ALCAM: variants seen among roughly 807,000 people sequenced by gnomAD.
ALCAM encodes the protein CD166 antigen.
In ALCAM, 30 loss-of-function variants were observed where a neutral mutation model predicts 70.9. That is an observed-to-expected ratio of 0.42 (90% CI 0.32 to 0.57). The LOEUF (loss-of-function observed/expected upper bound fraction) is 0.57. Among genes scored for constraint, ALCAM ranks in the 20% least tolerant of loss-of-function variants. The pLI, the probability that ALCAM is intolerant of heterozygous loss-of-function variation, is 0.11. For synonymous variants in ALCAM, 249 were observed against 242.5 expected, an observed-to-expected ratio of 1.03 and a Z score of -0.25; for missense variants, 591 against 695.1, an observed-to-expected ratio of 0.85 and a Z score of 1.68.
chr3:105,481,655 A>G (rs910779586), intron 1 of ALCAM, among the ~76,000 whole-genome samples: 1 of 152,224 alleles, frequency 6.6e-6, no homozygotes, highest in Non-Finnish European at 1.5e-5. Flanking sequence ...CCTTACAAAA[A>G]GGAACCAAAC....
chr3:105,471,260 C>T (rs530541301), intron 1 of ALCAM, among the ~76,000 whole-genome samples: 22 of 150,614 alleles, frequency 1.5e-4, no homozygotes, highest in South Asian at 6.3e-4. Context: ...TTTTGGAAGC[C>T]GGAATTTAAA....
chr3:105,526,881 G>A lies in ALCAM; in HGVS notation c.394+2373G>A, dbSNP rs575848686. ...TCCCTCTGTTGAATCACTTAGCAAC[G>A]TGCACCGTGTACCATAGAATCAAGT... On this transcript the variant is annotated intron_variant, in intron 3 of 15. Coordinates refer to ENST00000306107, the MANE Select transcript of ALCAM (RefSeq NM_001627.4). Among the ~76,000 whole-genome samples the A allele has an allele frequency of 1.1e-4, 17 of 152,206 alleles. No individual in the cohort carries two copies. In the East Asian group the frequency reaches 1.2e-3, roughly 10 times the overall value.
chr3:105,467,806 G>T (rs1042984520), intron 1 of ALCAM, among the ~76,000 whole-genome samples: 2 of 151,020 alleles, frequency 1.3e-5, no homozygotes, highest in Non-Finnish European at 1.5e-5. Flanking sequence ...TTAAAATGAG[G>T]TATCTCATTT....
intron 1 of ALCAM, among the ~76,000 whole-genome samples, chr3:105,370,797 G>A (rs1935206850): frequency 6.6e-6 from 1 of 151,630 alleles, no homozygotes; most frequent in African/African-American, 2.4e-5. Context: ...CCAAAAGTAA[G>A]AAAGGATAGT....
intron 12 of ALCAM, among the ~76,000 whole-genome samples, chr3:105,551,001 G>A (rs1940388386): frequency 6.6e-6 from 1 of 151,540 alleles, no homozygotes; most frequent in Non-Finnish European, 1.5e-5. Context: ...GACTGGCCTA[G>A]AATGAGGCTC....
chr3:105,371,279 T>G (rs1464712034), intron 1 of ALCAM, among the ~76,000 whole-genome samples: 1 of 152,188 alleles, frequency 6.6e-6, no homozygotes, highest in Non-Finnish European at 1.5e-5. Flanking sequence ...TGTTGTGACC[T>G]TGGGAAAATT....
At chr3:105,410,738 T>C (rs764243104) in intron 1 of ALCAM, among the ~76,000 whole-genome samples, 1 of 152,072 alleles carries the variant, frequency 6.6e-6, no homozygotes, top group Non-Finnish European at 1.5e-5. Context: ...TGACCCATTC[T>C]TAAATTGCTT....
In ALCAM at chr3:105,575,591, A is replaced by G. The variant is rs920656657; in HGVS notation, c.*1140A>G. ...AAGTGTAATAATAAAATGTCTATGTATCTTTAGTTACATTCAAATTTGTAA... is the reference window on the plus strand; with the variant it reads ...AAGTGTAATAATAAAATGTCTATGTGTCTTTAGTTACATTCAAATTTGTAA... On this transcript the variant is annotated 3_prime_UTR_variant, in exon 16 of 16. Coordinates refer to ENST00000306107, the MANE Select transcript of ALCAM (RefSeq NM_001627.4). 2 of 152,578 alleles carry G rather than the reference A, an allele frequency of 1.3e-5. No homozygotes were observed. The highest frequency in any genetic ancestry group is 4.8e-5 in the African/African-American group (2 of 41,448). 9.5% of individuals were successfully genotyped at this position (152,578 alleles called of 1,614,324 possible).
At chr3:105,395,311 G>C (rs1012697803) in intron 1 of ALCAM, among the ~76,000 whole-genome samples, 1 of 151,958 alleles carries the variant, frequency 6.6e-6, no homozygotes, top group African/African-American at 2.4e-5. Flanking sequence ...GTTTCATACA[G>C]TGTCACTGTA....
intron 14 of ALCAM, among the ~76,000 whole-genome samples, chr3:105,553,972 C>T (rs1218571783): frequency 6.6e-6 from 1 of 151,818 alleles, no homozygotes; most frequent in Admixed American, 6.6e-5. Flanking sequence ...CACACGATGT[C>T]CACTCTCACA....
At chr3:105,522,749 C>T (rs561258657) in intron 2 of ALCAM, among the ~76,000 whole-genome samples, 91 of 152,322 alleles carry the variant, frequency 6.0e-4, no homozygotes, top group African/African-American at 2.1e-3. Flanking sequence ...AGTTACTTAA[C>T]CAAACTCAAC....
At chr3:105,431,129 A>G (rs1215012627) in intron 1 of ALCAM, among the ~76,000 whole-genome samples, 5 of 148,576 alleles carry the variant, frequency 3.4e-5, no homozygotes, top group African/African-American at 1.2e-4. Context: ...ATCCCCACTT[A>G]TATCCTTCGA....
Position 105,498,250 on chromosome 3 carries a change from A to G in ALCAM, c.74-21817A>G, listed in dbSNP as rs185389988. Among the ~76,000 whole-genome samples the G allele has an allele frequency of 2.7e-3, 412 of 152,206 alleles. 9 individuals carry two copies. The highest frequency in any genetic ancestry group is 9.6e-4 in the Non-Finnish European group (65 of 68,016). ...TCAGGGTTCAAAACCAGGACGTTTGAGTTTCAAATTGCTGGGTTTTTTCCT... is the reference window on the plus strand; with the variant it reads ...TCAGGGTTCAAAACCAGGACGTTTGGGTTTCAAATTGCTGGGTTTTTTCCT... On this transcript the variant is annotated intron_variant, in intron 1 of 15. Coordinates refer to ENST00000306107, the MANE Select transcript of ALCAM (RefSeq NM_001627.4).
chr3:105,399,442 A>G (rs1175238540), intron 1 of ALCAM, among the ~76,000 whole-genome samples: 1 of 152,114 alleles, frequency 6.6e-6, no homozygotes, highest in Admixed American at 6.6e-5. Context: ...TATTACCCAT[A>G]TATCAAATAA....
chr3:105,420,870 C>G (rs1936632195), intron 1 of ALCAM, among the ~76,000 whole-genome samples: 1 of 151,264 alleles, frequency 6.6e-6, no homozygotes. Flanking sequence ...GGTATATTTA[C>G]TGAAGAGAGG....
intron 8 of ALCAM, among the ~76,000 whole-genome samples, chr3:105,544,197 A>T (rs1255343541): frequency 6.6e-6 from 1 of 151,580 alleles, no homozygotes; most frequent in African/African-American, 2.4e-5. Context: ...TTTAACTTCC[A>T]TGAGTTGTCA....
intron 3 of ALCAM, chr3:105,524,971 A>C: frequency 2.0e-6 from 2 of 982,812 alleles, no homozygotes; most frequent in Non-Finnish European, 2.4e-6. Context: ...CTATATTTTA[A>C]CAGAGGTATA....
chr3:105,494,179 T>TG lies in ALCAM; in HGVS notation c.74-25881dup, dbSNP rs199834119. On this transcript the variant is annotated intron_variant, in intron 1 of 15. Coordinates refer to ENST00000306107, the MANE Select transcript of ALCAM (RefSeq NM_001627.4). ...ATCTCTGTGAGACATATGGGCCCAA[T>TG]GGGGGGGAAAAAGCTATTATATACT... 1.4e-3 allele frequency among the ~76,000 whole-genome samples: 208 copies of TG among 152,108 alleles called. 1 individual carries two copies. The highest frequency in any genetic ancestry group is 4.8e-3 in the African/African-American group (199 of 41,524).
At position 105,405,052 on chromosome 3, in the gene ALCAM, C is replaced by T. The variant is rs546931152; in HGVS notation, c.73+37571C>T. 2.0e-5 allele frequency among the ~76,000 whole-genome samples: 3 copies of T among 152,054 alleles called. No homozygotes were observed. In the East Asian group the frequency reaches 5.8e-4, roughly 29 times the overall value. On this transcript the variant is annotated intron_variant, in intron 1 of 15. Transcript: ENST00000306107. ...CAACACTTTGGGAGACCGAGGCAGG[C>T]AGACCACTTGAGGTCGGGAATTCGA...
Sources: gnomAD v4.1 joint callset for allele counts (sites outside exome capture counted in the v4.1 genomes callset) on GRCh38, gnomAD v4.1.1 for gene constraint, MANE v1.5 for transcripts, NCBI Gene and HGNC (gene_info 2026-07-23, HGNC 2026-07-21) for gene names.